Variants in BCR observed in about 807,000 individuals in gnomAD.
BCR encodes BCR activator of RhoGEF and GTPase.
Under a neutral mutation model 138.6 loss-of-function variants are expected in BCR, and 58 were observed. The observed-to-expected ratio is 0.42, with a 90% CI of 0.34 to 0.52. BCR has a LOEUF of 0.52. Ranked by LOEUF, BCR falls within the 20% of genes least tolerant of loss-of-function variation. The pLI is 0.06. For synonymous variants in BCR, 786 were observed against 730.1 expected (o/e 1.08, Z -1.23); for missense variants, 1,599 against 1,727.2 (o/e 0.93, Z 1.32).
At chr22:23,217,203 T>C in intron 1 of BCR, 1 of 282,396 alleles carries the variant, frequency 3.5e-6, no homozygotes, top group South Asian at 2.6e-5. Context: ...TTTTAGATTT[T>C]TGCTGTTGCC....
intron 1 of BCR, among the ~76,000 whole-genome samples, chr22:23,244,464 C>G (rs562341698): frequency 5.9e-5 from 9 of 152,138 alleles, no homozygotes; most frequent in Non-Finnish European, 1.0e-4. Flanking sequence ...GTCCTGGCTC[C>G]GTGGTCATTT....
intron 1 of BCR, among the ~76,000 whole-genome samples, chr22:23,248,072 A>T (rs1002924435): frequency 4.6e-5 from 7 of 152,224 alleles, no homozygotes; most frequent in African/African-American, 7.2e-5. Context: ...GGCTGGGCGC[A>T]GTGGCTCACG....
chr22:23,199,302 G>T (rs747863157), intron 1 of BCR: 3 of 518,720 alleles, frequency 5.8e-6, no homozygotes, highest in African/African-American at 3.9e-5. Flanking sequence ...AGGAAGCATC[G>T]GAGACTGGGT....
intron 10 of BCR, 131 bp downstream of exon 10, chr22:23,285,332 C>G: frequency 2.0e-6 from 2 of 1,016,818 alleles, no homozygotes; most frequent in Non-Finnish European, 2.8e-6. Context: ...CCTGTAAGCT[C>G]TCAGCTCTTG....
At chr22:23,210,462 A>G (rs1036540084) in intron 1 of BCR, among the ~76,000 whole-genome samples, 5 of 151,936 alleles carry the variant, frequency 3.3e-5, no homozygotes, top group Non-Finnish European at 5.9e-5. Context: ...AGATGTCATG[A>G]TGTCATTTGA....
At chr22:23,246,874 G>C (rs1011855115) in intron 1 of BCR, among the ~76,000 whole-genome samples, 2 of 151,944 alleles carry the variant, frequency 1.3e-5, no homozygotes, top group African/African-American at 2.4e-5. Flanking sequence ...GTTCTGCTAC[G>C]ATAGCCAGCT....
intron 1 of BCR, among the ~76,000 whole-genome samples, chr22:23,237,840 G>C (rs1031325780): frequency 6.6e-6 from 1 of 152,240 alleles, no homozygotes; most frequent in African/African-American, 2.4e-5. Context: ...CAGATTTCCT[G>C]AAGTGGAGCC....
rs9624063 is a variant in BCR at position 23,236,554 on chromosome 22, C to T, written c.1280-17245C>T. Among the ~76,000 whole-genome samples the T allele has an allele frequency of 5.3e-3, 804 of 152,346 alleles. 6 individuals carry two copies. The highest frequency in any genetic ancestry group is 0.034 in the Middle Eastern group (10 of 294). On this transcript the variant is annotated intron_variant, in intron 1 of 22. Transcript: ENST00000305877. ...ATTCAGGCGAGAACAGGGCAACGCA[C>T]ACCTACTAGCCAAGATACAAAGCAC...
At chr22:23,245,978 G>A (rs9612266) in intron 1 of BCR, among the ~76,000 whole-genome samples, 24,735 of 152,172 alleles carry the variant, frequency 0.16, 2,622 homozygotes, top group Middle Eastern at 0.29. Flanking sequence ...AGCAGTCACC[G>A]ACCTCCTTTC....
chr22:23,206,041 T>C (rs2072608917), intron 1 of BCR, among the ~76,000 whole-genome samples: 1 of 152,178 alleles, frequency 6.6e-6, no homozygotes, highest in Admixed American at 6.5e-5. Context: ...CCAAACCCCA[T>C]GAGGATTCTT....
chr22:23,265,571 G>A (rs112708762), intron 4 of BCR, among the ~76,000 whole-genome samples: 3 of 152,336 alleles, frequency 2.0e-5, no homozygotes, highest in African/African-American at 4.8e-5. Flanking sequence ...GGGGCTGCAC[G>A]GGCTGACTTC....
intron 1 of BCR, among the ~76,000 whole-genome samples, chr22:23,232,942 C>G (rs2072975259): frequency 6.6e-6 from 1 of 152,192 alleles, no homozygotes; most frequent in Admixed American, 6.5e-5. Flanking sequence ...TGTGTGCACA[C>G]ACATAGGCTG....
intron 1 of BCR, among the ~76,000 whole-genome samples, chr22:23,201,388 T>C (rs1192355440): frequency 6.6e-6 from 1 of 152,256 alleles, no homozygotes; most frequent in Non-Finnish European, 1.5e-5. Flanking sequence ...AGGCCCCTTC[T>C]AGAGCCCACC....
chr22:23,254,644 G>A, intron 2 of BCR: 3 of 515,526 alleles, frequency 5.8e-6, no homozygotes, highest in Non-Finnish European at 1.2e-5. Context: ...CCTGCATGAA[G>A]TTCTGATTCC....
At chr22:23,266,905 G>A (rs928188514) in intron 4 of BCR, among the ~76,000 whole-genome samples, 38 of 152,274 alleles carry the variant, frequency 2.5e-4, no homozygotes, top group African/African-American at 8.4e-4. Flanking sequence ...CAGGAGGGAG[G>A]AGAAGTCTTG....
rs538320479 is a variant in BCR, at chr22:23,202,435, A to G, written c.1279+20196A>G. Among the ~76,000 whole-genome samples, 6 of 152,284 alleles carry G rather than the reference A, an allele frequency of 3.9e-5. No individual in the cohort carries two copies. In the South Asian group the frequency reaches 1.0e-3, roughly 26 times the overall value. On this transcript the variant is annotated intron_variant, in intron 1 of 22. Coordinates refer to ENST00000305877, the MANE Select transcript of BCR (RefSeq NM_004327.4). ...TTAAGTATATTCCTGTCATGCACCC[A>G]TCACTATCATCCATCTCCAGAACTC... is the stretch of plus-strand genomic sequence containing the variant.
intron 1 of BCR, among the ~76,000 whole-genome samples, chr22:23,221,294 C>G (rs1487588738): frequency 6.6e-6 from 1 of 152,170 alleles, no homozygotes; most frequent in Non-Finnish European, 1.5e-5. Context: ...AGAGTGGAGT[C>G]ACCTTTGCTT....
chr22:23,212,061 T>G (rs1435170365), intron 1 of BCR, among the ~76,000 whole-genome samples: 1 of 152,180 alleles, frequency 6.6e-6, no homozygotes, highest in African/African-American at 2.4e-5. Flanking sequence ...GGCAGGTGGA[T>G]GGGAAACTGC....
intron 12 of BCR, among the ~76,000 whole-genome samples, chr22:23,289,063 T>C (rs2073752427): frequency 6.6e-6 from 1 of 152,182 alleles, no homozygotes; most frequent in South Asian, 2.1e-4. Context: ...GCCCCAGCCA[T>C]TTCCAGAGTG....
Sources: allele counts gnomAD v4.1 joint callset (sites outside exome capture counted in the v4.1 genomes callset), GRCh38; gene constraint gnomAD v4.1.1; transcripts MANE v1.5; gene names NCBI Gene and HGNC (gene_info 2026-07-23, HGNC 2026-07-21).